Variants in KDM2A observed in about 807,000 individuals in gnomAD.
KDM2A encodes lysine-specific demethylase 2A.
Under a neutral mutation model 137.3 loss-of-function variants are expected in KDM2A, and 3 were observed. The ratio of observed to expected loss-of-function variants is 0.02; its 90% CI spans 0.01 to 0.06. The LOEUF is 0.06. Ranked by LOEUF, KDM2A falls within the 10% of genes least tolerant of loss-of-function variation. The pLI is 1.00. For synonymous variants in KDM2A, 512 were observed against 541.5 expected (o/e 0.95, Z 0.76); for missense variants, 738 against 1,510.6 (o/e 0.49, Z 8.48).
intron 12 of KDM2A, among the ~76,000 whole-genome samples, chr11:67,236,524 T>C (rs1311816437): frequency 6.6e-6 from 1 of 152,234 alleles, no homozygotes; most frequent in African/African-American, 2.4e-5. Flanking sequence ...AAAGAAGCTT[T>C]TTATATAACA....
chr11:67,249,263 C>T (rs965444576), intron 16 of KDM2A, among the ~76,000 whole-genome samples: 7 of 152,170 alleles, frequency 4.6e-5, no homozygotes, highest in Non-Finnish European at 1.0e-4. Flanking sequence ...TCTGCTGTAG[C>T]AGATGTGTTG....
At chr11:67,183,023 G>A (rs575391141) in intron 5 of KDM2A, among the ~76,000 whole-genome samples, 1 of 152,144 alleles carries the variant, frequency 6.6e-6, no homozygotes, top group East Asian at 1.9e-4. Flanking sequence ...TTAGACTACC[G>A]ACTCTTCTGT....
chr11:67,228,007 TC>T (rs778446517), intron 10 of KDM2A, 29 bp from the exon 11 acceptor site: 2 of 1,598,250 alleles, frequency 1.3e-6, no homozygotes, highest in East Asian at 4.5e-5. Flanking sequence ...TTGAAAATCG[TC>T]ATCTTTTCTC....
chr11:67,161,211 A>T (rs1038140832), intron 2 of KDM2A, among the ~76,000 whole-genome samples: 2 of 152,210 alleles, frequency 1.3e-5, no homozygotes, highest in African/African-American at 2.4e-5. Flanking sequence ...AAATTTTTTT[A>T]AATTGAAACC....
chr11:67,127,839 T>C (rs981044930), intron 2 of KDM2A, among the ~76,000 whole-genome samples: 1 of 152,034 alleles, frequency 6.6e-6, no homozygotes, highest in Non-Finnish European at 1.5e-5. Context: ...TCTGAGTAGC[T>C]GGGATTACAG....
chr11:67,231,628 C>G lies in KDM2A; in HGVS notation c.1147C>G (p.Arg383Gly). Residue 383 changes from arginine to glycine, a missense_variant, in exon 12 of 21, where the codon CGA becomes GGA. By Grantham distance (125) the Arg-to-Gly change is moderately radical. Transcript: ENST00000529006. ...TGAGGAAGCAGTGGATCGAGAACCCCGACGCTTGAGCAGCAGGCGTTCTGT... is the reference window on the plus strand; with the variant it reads ...TGAGGAAGCAGTGGATCGAGAACCCGGACGCTTGAGCAGCAGGCGTTCTGT... ...GDEEAVDREP[R>G]RLSSRRSVLT... 6.2e-7 allele frequency: 1 copy of G among 1,612,168 alleles called. No individual in the cohort carries two copies.
intron 2 of KDM2A, among the ~76,000 whole-genome samples, chr11:67,156,248 CAA>C (rs767497410): frequency 5.5e-5 from 6 of 108,836 alleles, no homozygotes; most frequent in Non-Finnish European, 5.9e-5. Context: ...AACTCCGTCT[CAA>C]AAAAAAAAAA....
intron 2 of KDM2A, among the ~76,000 whole-genome samples, chr11:67,136,154 T>C (rs943037844): frequency 6.6e-6 from 1 of 152,208 alleles, no homozygotes; most frequent in African/African-American, 2.4e-5. Flanking sequence ...GAATGTGTAC[T>C]GTGTGCTTGG....
intron 2 of KDM2A, among the ~76,000 whole-genome samples, chr11:67,148,804 A>G (rs1856316318): frequency 6.6e-6 from 1 of 152,126 alleles, no homozygotes; most frequent in South Asian, 2.1e-4. Flanking sequence ...TCCGTCTCAA[A>G]AACAAAACAA....
intron 5 of KDM2A, among the ~76,000 whole-genome samples, chr11:67,199,401 T>C (rs1200626462): frequency 6.6e-6 from 1 of 152,172 alleles, no homozygotes; most frequent in Non-Finnish European, 1.5e-5. Flanking sequence ...TTACATCAAA[T>C]AGTTAACCAA....
intron 5 of KDM2A, among the ~76,000 whole-genome samples, chr11:67,192,148 G>A (rs1857369980): frequency 6.6e-6 from 1 of 152,070 alleles, no homozygotes; most frequent in Non-Finnish European, 1.5e-5. Flanking sequence ...AAGTTTGTTA[G>A]CATTGACATC....
At chr11:67,173,992 G>A (rs935472369) in intron 2 of KDM2A, among the ~76,000 whole-genome samples, 1 of 152,274 alleles carries the variant, frequency 6.6e-6, no homozygotes, top group Non-Finnish European at 1.5e-5. Flanking sequence ...TGGTATTACA[G>A]GCATGAGCCA....
chr11:67,172,026 T>C (rs1178496203), intron 2 of KDM2A, among the ~76,000 whole-genome samples: 1 of 152,226 alleles, frequency 6.6e-6, no homozygotes, highest in Non-Finnish European at 1.5e-5. Context: ...GATCTCACTC[T>C]GTTATTCAGG....
At chr11:67,180,334 A>G (rs1337289506) in intron 3 of KDM2A, 117 bp downstream of exon 3, 4 of 1,079,762 alleles carry the variant, frequency 3.7e-6, no homozygotes, top group Non-Finnish European at 5.2e-6. Context: ...TTATCTATCT[A>G]TTTTCTCTTG....
chr11:67,224,331 A>G (rs1269194370), intron 10 of KDM2A, among the ~76,000 whole-genome samples: 1 of 152,148 alleles, frequency 6.6e-6, no homozygotes, highest in Admixed American at 6.6e-5. Flanking sequence ...ATGGCCAGAT[A>G]TGGTGGTTCA....
intron 10 of KDM2A, among the ~76,000 whole-genome samples, chr11:67,227,246 GA>G (rs1424737786): frequency 1.3e-5 from 2 of 152,186 alleles, no homozygotes; most frequent in Non-Finnish European, 2.9e-5. Flanking sequence ...CGATAGTGGA[GA>G]AAATACCCAA....
chr11:67,233,820 T>C (rs1858791598), intron 12 of KDM2A, among the ~76,000 whole-genome samples: 1 of 151,940 alleles, frequency 6.6e-6, no homozygotes, highest in Non-Finnish European at 1.5e-5. Flanking sequence ...AAGAGACATC[T>C]AAAGAGGAGG....
intron 5 of KDM2A, among the ~76,000 whole-genome samples, chr11:67,200,353 C>A (rs1590776182): frequency 6.6e-6 from 1 of 152,048 alleles, no homozygotes; most frequent in Non-Finnish European, 1.5e-5. Flanking sequence ...GTAGCTGGGA[C>A]TACAGGCGTC....
intron 11 of KDM2A, among the ~76,000 whole-genome samples, chr11:67,230,355 T>A (rs1028181600): frequency 6.6e-6 from 1 of 152,078 alleles, no homozygotes; most frequent in African/African-American, 2.4e-5. Context: ...AGACCAGGCA[T>A]GGTGGCTCAT....
Sources: gnomAD v4.1 joint callset for allele counts (sites outside exome capture counted in the v4.1 genomes callset) on GRCh38, gnomAD v4.1.1 for gene constraint, MANE v1.5 for transcripts, NCBI Gene and HGNC (gene_info 2026-07-23, HGNC 2026-07-21) for gene names.